Variants in TTBK2 observed in about 807,000 individuals in gnomAD.
TTBK2 encodes the protein tau tubulin kinase 2.
TTBK2 carries 28 observed loss-of-function variants against 110.8 expected under a neutral mutation model. The observed-to-expected ratio is 0.25, with a 90% CI of 0.19 to 0.35. The LOEUF (loss-of-function observed/expected upper bound fraction) is 0.35. Among genes scored for constraint, TTBK2 ranks in the 10% least tolerant of loss-of-function variants. The probability of loss-of-function intolerance (pLI) is 1.00; values close to 1 mark genes in which losing one functional copy is unlikely to be tolerated. For missense variants in TTBK2, 1,369 were observed against 1,500.3 expected, an observed-to-expected ratio of 0.91 and a Z score of 1.45; for synonymous variants, 532 against 527.3, an observed-to-expected ratio of 1.01 and a Z score of -0.12.
chr15:42,838,884 C>G lies in TTBK2; in HGVS notation c.291+1476G>C, dbSNP rs561845881. 1.8e-4 allele frequency among the ~76,000 whole-genome samples: 27 copies of G among 151,942 alleles called. 2 individuals carry two copies. The highest frequency in any genetic ancestry group is 3.8e-4 in the Non-Finnish European group (26 of 67,978). On this transcript the variant is annotated intron_variant, in intron 4 of 14. Transcript: ENST00000267890. The stretch of plus-strand genomic sequence containing the variant: ...AGAAAAAGAAAAAGGAATGGCATTT[C>G]TCCTCTATCTCAACTACTGCTTAAG...
intron 1 of TTBK2, among the ~76,000 whole-genome samples, chr15:42,882,218 A>AAC (rs374173638): frequency 6.0e-4 from 91 of 150,918 alleles, no homozygotes; most frequent in Middle Eastern, 3.5e-3. Flanking sequence ...CAATAAGCAC[A>AAC]ACACACACAC....
chr15:42,810,587 A>G, intron 9 of TTBK2, 27 bp downstream of exon 9: 2 of 1,612,986 alleles, frequency 1.2e-6, no homozygotes, highest in South Asian at 2.2e-5. Context: ...AAAATAACTA[A>G]CCCACAGAAC....
chr15:42,864,318 C>T (rs1894275212), intron 3 of TTBK2, among the ~76,000 whole-genome samples: 1 of 152,192 alleles, frequency 6.6e-6, no homozygotes, highest in Admixed American at 6.5e-5. Context: ...GGCGTGGTGG[C>T]TAACGCCTAT....
rs573149655 is a variant in TTBK2 at position 42,888,987 on chromosome 15, G to A, written c.-67-10303C>T. On this transcript the variant is annotated intron_variant, in intron 1 of 14. Coordinates refer to ENST00000267890, the MANE Select transcript of TTBK2 (RefSeq NM_173500.4). Reference sequence around the variant, plus strand: ...CAAGACAAATGGTCCTTGGACCAAGGACAATATCTCTTTCCAGCCTCACAG... The same window carrying A: ...CAAGACAAATGGTCCTTGGACCAAGAACAATATCTCTTTCCAGCCTCACAG... Among the ~76,000 whole-genome samples the A allele has an allele frequency of 3.3e-5, 5 of 152,174 alleles. No individual in the cohort carries two copies. The East Asian group carries it at 9.7e-4, about 29-fold the overall frequency.
Position 42,851,872 on chromosome 15 carries a change from T to C in TTBK2, c.218-11439A>G, listed in dbSNP as rs191339422. Among the ~76,000 whole-genome samples, 354 of 152,210 alleles carry C rather than the reference T, an allele frequency of 2.3e-3. 3 individuals carry two copies. The highest frequency in any genetic ancestry group is 8.7e-4 in the Non-Finnish European group (59 of 68,022). On this transcript the variant is annotated intron_variant, in intron 3 of 14. Coordinates refer to ENST00000267890, the MANE Select transcript of TTBK2 (RefSeq NM_173500.4). Reference sequence around the variant, plus strand: ...GTTGTGTTGATTTTCAAGTTTCTTATTGTGACCATTTACACTCTTAAAAAT... The same window carrying C: ...GTTGTGTTGATTTTCAAGTTTCTTACTGTGACCATTTACACTCTTAAAAAT...
rs181526186 is a variant in TTBK2, at chr15:42,885,398, G to A, written c.-67-6714C>T. Among the ~76,000 whole-genome samples the A allele has an allele frequency of 5.3e-4, 81 of 152,182 alleles. 1 individual carries two copies. Among genetic ancestry groups the A allele is most frequent in the Admixed American group, 3.1e-3 (48 of 15,284 alleles). On this transcript the variant is annotated intron_variant, in intron 1 of 14. Coordinates refer to ENST00000267890, the MANE Select transcript of TTBK2 (RefSeq NM_173500.4). ...ACCTCTTTCTCCTTTCAATCTTGGC[G>A]TCACCCTTCAATCTCTCCTTCTCTT...
intron 13 of TTBK2, among the ~76,000 whole-genome samples, chr15:42,767,384 A>G (rs1448971463): frequency 1.3e-5 from 2 of 152,244 alleles, no homozygotes; most frequent in Non-Finnish European, 2.9e-5. Flanking sequence ...AATAAAAAAG[A>G]AAAGAGAGAA....
Position 42,745,794 on chromosome 15 carries a change from C to T in TTBK2, c.*1G>A, listed in dbSNP as rs1322803765. On this transcript the variant is annotated 3_prime_UTR_variant, in exon 15 of 15. Transcript: ENST00000267890. Reference sequence around the variant, plus strand: ...CCTTTCAAAGAGATGCAGCCTGGCTCCTATCTGCTGAGTTTACTGGCTGGC... The same window carrying T: ...CCTTTCAAAGAGATGCAGCCTGGCTTCTATCTGCTGAGTTTACTGGCTGGC... 2 of 1,613,882 alleles carry T rather than the reference C, an allele frequency of 1.2e-6. No individual in the cohort carries two copies. The highest frequency in any genetic ancestry group is 1.7e-5 in the Admixed American group (1 of 59,996).
At chr15:42,815,927 TAAAAATATATATATATATATTTAAAAAAA>T (rs1567040397) in intron 7 of TTBK2, among the ~76,000 whole-genome samples, 2 of 52,452 alleles carry the variant, frequency 3.8e-5, no homozygotes, top group South Asian at 8.9e-4. Context: ...TATATATATT[TAAAAATATATATATATATATTTAAAAAAA>T]AAATATATAT....
At chr15:42,914,946 T>C (rs1487533422) in intron 1 of TTBK2, among the ~76,000 whole-genome samples, 1 of 152,220 alleles carries the variant, frequency 6.6e-6, no homozygotes, top group Non-Finnish European at 1.5e-5. Flanking sequence ...GCTTCCACTA[T>C]TTGTAAGCTC....
chr15:42,858,082 A>AAACAAC (rs146437594), intron 3 of TTBK2, among the ~76,000 whole-genome samples: 14 of 151,606 alleles, frequency 9.2e-5, no homozygotes, highest in Middle Eastern at 3.2e-3. Context: ...AAAAAACCCA[A>AAACAAC]AACAACAACA....
intron 1 of TTBK2, among the ~76,000 whole-genome samples, chr15:42,899,059 C>T (rs2141183978): frequency 6.6e-6 from 1 of 152,242 alleles, no homozygotes; most frequent in South Asian, 2.1e-4. Flanking sequence ...GTGGTGTGAT[C>T]TCAGCTCTCT....
intron 1 of TTBK2, among the ~76,000 whole-genome samples, chr15:42,892,057 C>A (rs895657144): frequency 6.6e-6 from 1 of 152,138 alleles, no homozygotes; most frequent in African/African-American, 2.4e-5. Context: ...TCACAAGGAA[C>A]GTACACCAAA....
At chr15:42,799,250 G>A in intron 9 of TTBK2, among the ~76,000 whole-genome samples, 1 of 151,896 alleles carries the variant, frequency 6.6e-6, no homozygotes, top group East Asian at 2.0e-4. Context: ...GGCACCTGTA[G>A]TCCCAGCTAC....
At chr15:42,847,670 GTTCGTT>G (rs1893523133) in intron 3 of TTBK2, among the ~76,000 whole-genome samples, 1 of 152,196 alleles carries the variant, frequency 6.6e-6, no homozygotes, top group Non-Finnish European at 1.5e-5. Flanking sequence ...CACCAAGACT[GTTCGTT>G]TTCCACCAAA....
intron 12 of TTBK2, 68 bp from the exon 13 acceptor site, chr15:42,775,791 C>T (rs1469908751): frequency 1.6e-6 from 2 of 1,259,938 alleles, no homozygotes; most frequent in Non-Finnish European, 2.2e-6. Context: ...ATATAAGCTC[C>T]ATAAAGAACT....
intron 13 of TTBK2, among the ~76,000 whole-genome samples, chr15:42,763,157 C>A (rs796275758): frequency 4.9e-5 from 1 of 20,470 alleles, no homozygotes; most frequent in African/African-American, 2.1e-4. Context: ...TATATATATA[C>A]ATATATATAT....
At chr15:42,770,174 A>G (rs762949394) in intron 13 of TTBK2, among the ~76,000 whole-genome samples, 3 of 152,136 alleles carry the variant, frequency 2.0e-5, no homozygotes, top group East Asian at 1.9e-4. Flanking sequence ...GCAGCACACC[A>G]ACATGGCACA....
At chr15:42,893,240 T>A (rs1895533059) in intron 1 of TTBK2, among the ~76,000 whole-genome samples, 1 of 152,122 alleles carries the variant, frequency 6.6e-6, no homozygotes, top group African/African-American at 2.4e-5. Flanking sequence ...CTTAGGCCTA[T>A]AATCCCAACA....
Sources: gnomAD v4.1 joint callset for allele counts (sites outside exome capture counted in the v4.1 genomes callset) on GRCh38, gnomAD v4.1.1 for gene constraint, MANE v1.5 for transcripts, NCBI Gene and HGNC (gene_info 2026-07-23, HGNC 2026-07-21) for gene names.